OSBPL3: variants seen among roughly 807,000 people sequenced by gnomAD.
OSBPL3 encodes oxysterol-binding protein-related protein 3.
A neutral mutation model predicts 120.1 loss-of-function variants in OSBPL3; 65 were observed. The observed-to-expected ratio is 0.54, with a 90% CI of 0.44 to 0.67. OSBPL3 has a LOEUF of 0.67. Ranked by LOEUF, OSBPL3 falls within the 30% of genes least tolerant of loss-of-function variation. OSBPL3 has a pLI of 0.00. For missense variants in OSBPL3, 1,004 were observed against 1,082.1 expected (o/e 0.93, Z 1.01); for synonymous variants, 416 against 402.6 (o/e 1.03, Z -0.40).
chr7:24,816,468 T>C, intron 18 of OSBPL3, 142 bp downstream of exon 18: 2 of 658,882 alleles, frequency 3.0e-6, no homozygotes, highest in South Asian at 1.9e-5. Context: ...AGGAGGAACA[T>C]TTAAACCTAC....
chr7:24,934,148 T>C (rs995814341), intron 1 of OSBPL3, among the ~76,000 whole-genome samples: 1 of 152,192 alleles, frequency 6.6e-6, no homozygotes, highest in Non-Finnish European at 1.5e-5. Flanking sequence ...GGCCTCATTT[T>C]AAAAACACCA....
At position 24,899,071 on chromosome 7, in the gene OSBPL3, AT is replaced by A. The variant is rs1319391454; in HGVS notation, c.-149-6451del. ...ACCATCCCCACATCCCACCCAGCAA[AT>A]CTTTTCTTCTCCAGACTAAACAGCC... On this transcript the variant is annotated intron_variant, in intron 1 of 22. Transcript: ENST00000313367. The surrounding 1 kb of genome is among the most constrained non-coding windows in gnomAD (Gnocchi z 4.0). 2.3e-4 allele frequency among the ~76,000 whole-genome samples: 35 copies of A among 152,068 alleles called. No homozygotes were observed. The highest frequency in any genetic ancestry group is 6.0e-4 in the African/African-American group (25 of 41,488).
In OSBPL3 at chr7:24,871,681, G is replaced by T; in HGVS notation, c.267+61C>A. ...CTCAACTATACACACTCTCATCTCT[G>T]AGCTGATGGTTACCCCTTTAGGATT... On this transcript the variant is annotated intron_variant, in intron 4 of 22. Coordinates refer to ENST00000313367, the MANE Select transcript of OSBPL3 (RefSeq NM_015550.4). This position sits in a 1 kb window ranked among gnomAD's most constrained non-coding sequence, Gnocchi z 4.8. 8.2e-7 allele frequency: 1 copy of T among 1,218,366 alleles called. No individual in the cohort carries two copies. 75.5% of individuals were successfully genotyped at this position (1,218,366 alleles called of 1,614,324 possible).
In OSBPL3 at chr7:24,913,187, C is replaced by A. The variant is rs1458936111; in HGVS notation, c.-149-20566G>T. Among the ~76,000 whole-genome samples, 2 of 152,166 alleles carry A rather than the reference C, an allele frequency of 1.3e-5. No individual in the cohort carries two copies. The highest frequency in any genetic ancestry group is 4.8e-5 in the African/African-American group (2 of 41,430). ...ACCCAAATTAAAGATGTCAGGGATACATAAATATTGTCATTAACCTACCAG... is the reference window on the plus strand; with the variant it reads ...ACCCAAATTAAAGATGTCAGGGATAAATAAATATTGTCATTAACCTACCAG... On this transcript the variant is annotated intron_variant, in intron 1 of 22. Coordinates refer to ENST00000313367, the MANE Select transcript of OSBPL3 (RefSeq NM_015550.4). The surrounding 1 kb of genome is among the most constrained non-coding windows in gnomAD (Gnocchi z 5.3).
intron 14 of OSBPL3, among the ~76,000 whole-genome samples, chr7:24,840,301 T>C (rs867081119): frequency 1.1e-4 from 16 of 152,140 alleles, no homozygotes; most frequent in Admixed American, 3.9e-4. Context: ...CTGCCTCTGC[T>C]ACCCTTGAGA....
chr7:24,948,513 T>A (rs1050631283), intron 1 of OSBPL3, among the ~76,000 whole-genome samples: 1 of 152,204 alleles, frequency 6.6e-6, no homozygotes, highest in Non-Finnish European at 1.5e-5. Flanking sequence ...CAAAGTTGTG[T>A]AGATTACAGA....
chr7:24,909,523 A>G (rs963097801), intron 1 of OSBPL3, among the ~76,000 whole-genome samples: 3 of 152,172 alleles, frequency 2.0e-5, no homozygotes, highest in African/African-American at 7.2e-5. Flanking sequence ...TACATGAGAG[A>G]GAAATAAACT....
In OSBPL3 at chr7:24,892,363, G is replaced by A. The variant is rs1209542273; in HGVS notation, c.96+14C>T. ...TACATTTGCATATTAAAATTTGCATGAGTTAAACTTTACCTGTCGACTTCC... is the reference window on the plus strand; with the variant it reads ...TACATTTGCATATTAAAATTTGCATAAGTTAAACTTTACCTGTCGACTTCC... On this transcript the variant is annotated intron_variant, in intron 2 of 22. Coordinates refer to ENST00000313367, the MANE Select transcript of OSBPL3 (RefSeq NM_015550.4). 1.1e-5 allele frequency: 18 copies of A among 1,610,238 alleles called. No homozygotes were observed. The highest frequency in any genetic ancestry group is 1.5e-5 in the Non-Finnish European group (18 of 1,177,000).
chr7:24,885,528 G>A (rs1804389501), intron 2 of OSBPL3, among the ~76,000 whole-genome samples: 1 of 152,168 alleles, frequency 6.6e-6, no homozygotes. Flanking sequence ...TTGCATAATT[G>A]TATGGAAACT....
chr7:24,837,376 G>C (rs1184815498), intron 14 of OSBPL3, among the ~76,000 whole-genome samples: 1 of 151,800 alleles, frequency 6.6e-6, no homozygotes, highest in African/African-American at 2.4e-5. Context: ...GCTAGTTTTT[G>C]TATCTTTTTT....
At chr7:24,901,220 G>A (rs200893035) in intron 1 of OSBPL3, among the ~76,000 whole-genome samples, 2 of 152,014 alleles carry the variant, frequency 1.3e-5, no homozygotes, top group Non-Finnish European at 2.9e-5. Flanking sequence ...CCAGCTACTC[G>A]GGAGGCTGAG....
chr7:24,963,369 A>T (rs1222297794), intron 1 of OSBPL3, among the ~76,000 whole-genome samples: 1 of 152,194 alleles, frequency 6.6e-6, no homozygotes, highest in East Asian at 1.9e-4. Flanking sequence ...CAGCTGCAAA[A>T]TGCTGATGTC....
chr7:24,871,629 T>A lies in OSBPL3; in HGVS notation c.267+113A>T. The stretch of plus-strand genomic sequence containing the variant: ...CTCAGACAGAAGTGTTTCCCCTCTA[T>A]GGTTTCCAGTTCCGAGAAAAGCTAT... On this transcript the variant is annotated intron_variant, in intron 4 of 22. Coordinates refer to ENST00000313367, the MANE Select transcript of OSBPL3 (RefSeq NM_015550.4). The surrounding 1 kb of genome is among the most constrained non-coding windows in gnomAD (Gnocchi z 4.8). 1.3e-6 allele frequency: 1 copy of A among 798,710 alleles called. No homozygotes were observed. Among genetic ancestry groups the A allele is most frequent in the Non-Finnish European group, 2.1e-6 (1 of 480,158 alleles). 49.5% of individuals were successfully genotyped at this position (798,710 alleles called of 1,614,324 possible). A position where few individuals can be genotyped will look rare whatever the true frequency, so the allele number is the denominator to read the frequency against.
chr7:24,834,619 T>C lies in OSBPL3; in HGVS notation c.1613A>G (p.Lys538Arg). 2 of 1,614,216 alleles carry C rather than the reference T, an allele frequency of 1.2e-6. No individual in the cohort carries two copies. The highest frequency in any genetic ancestry group is 1.7e-6 in the Non-Finnish European group (2 of 1,180,024). The stretch of plus-strand genomic sequence containing the variant: ...CGGCATGGCCACCTTGGACAGGTCC[T>C]TCCCGATGTTGTTCCTCAGGATGTT... ...LWNILRNNIG[K>R]DLSKVAMPVE... The change falls in exon 15 of 23, where the codon AAG (lysine) becomes AGG (arginine). Residue 538 changes from lysine (K) to arginine (R), a missense_variant. Lys to Arg is a conservative substitution (Grantham distance 26). Coordinates refer to ENST00000313367, the MANE Select transcript of OSBPL3 (RefSeq NM_015550.4). The surrounding 1 kb of genome is among the most constrained non-coding windows in gnomAD (Gnocchi z 5.2).
At chr7:24,853,381 A>G (rs1799414102) in intron 10 of OSBPL3, among the ~76,000 whole-genome samples, 1 of 152,244 alleles carries the variant, frequency 6.6e-6, no homozygotes, top group East Asian at 1.9e-4. Flanking sequence ...TTTGATCATG[A>G]GCAAACATCA....
chr7:24,841,714 A>AG (rs1797785671), intron 13 of OSBPL3, among the ~76,000 whole-genome samples: 7 of 147,414 alleles, frequency 4.7e-5, no homozygotes, highest in Non-Finnish European at 1.0e-4. Flanking sequence ...AAAAAAAAAA[A>AG]AAAAAAAGAG....
At chr7:24,895,426 T>G (rs914994908) in intron 1 of OSBPL3, among the ~76,000 whole-genome samples, 9 of 152,306 alleles carry the variant, frequency 5.9e-5, no homozygotes, top group Admixed American at 5.2e-4. Flanking sequence ...GCTCTGCTAT[T>G]CAGGTTTGCT....
At position 24,894,119 on chromosome 7, in the gene OSBPL3, A is replaced by T. The variant is rs1035033394; in HGVS notation, c.-149-1498T>A. 2.0e-5 allele frequency among the ~76,000 whole-genome samples: 3 copies of T among 152,158 alleles called. No homozygotes were observed. Among genetic ancestry groups the T allele is most frequent in the Admixed American group, 1.3e-4 (2 of 15,288 alleles). On this transcript the variant is annotated intron_variant, in intron 1 of 22. Transcript: ENST00000313367. The surrounding 1 kb of genome is among the most constrained non-coding windows in gnomAD (Gnocchi z 4.1). The stretch of plus-strand genomic sequence containing the variant: ...TATCAAACCTGGCTAATTATCATAT[A>T]CTCTTTCCTACACCTTCATTAACAC...
At position 24,830,305 on chromosome 7, in the gene OSBPL3, T is replaced by C. The variant is rs917473246; in HGVS notation, c.1884+463A>G. ...AGGCACATGGTATACGTTCTAGAAA[T>C]AATTTATTGATGTGAATGAATAAAT... On this transcript the variant is annotated intron_variant, in intron 16 of 22. Coordinates refer to ENST00000313367, the MANE Select transcript of OSBPL3 (RefSeq NM_015550.4). The surrounding 1 kb of genome is among the most constrained non-coding windows in gnomAD (Gnocchi z 4.4). 3.3e-5 allele frequency among the ~76,000 whole-genome samples: 5 copies of C among 152,038 alleles called. No individual in the cohort carries two copies. Among genetic ancestry groups the C allele is most frequent in the Non-Finnish European group, 5.9e-5 (4 of 68,012 alleles).
Sources: gnomAD v4.1 joint callset for allele counts (sites outside exome capture counted in the v4.1 genomes callset) on GRCh38, gnomAD v4.1.1 for gene constraint, Gnocchi (gnomAD v3.1) non-coding constraint, MANE v1.5 for transcripts, NCBI Gene and HGNC (gene_info 2026-07-23, HGNC 2026-07-21) for gene names.